The following PGCKA1 variants were observed in gnomAD, a reference collection of about 807,000 sequenced individuals.
PGCKA1 encodes the protein PDCD10 and GCKIII kinases-associated protein 1.
chr4:37,565,144 G>T, the PGCKA1 span, among the ~76,000 whole-genome samples: 5 of 152,266 alleles, frequency 3.3e-5, no homozygotes, highest in Admixed American at 2.0e-4. Context: ...TGGGAGGCTG[G>T]GGAGTGTGGA....
At chr4:37,482,347 G>T in the PGCKA1 span, among the ~76,000 whole-genome samples, 1 of 152,154 alleles carries the variant, frequency 6.6e-6, no homozygotes, top group Admixed American at 6.5e-5. Context: ...AGTCCAGGCC[G>T]AGGTGGTTTC....
the PGCKA1 span, among the ~76,000 whole-genome samples, chr4:37,485,616 C>G: frequency 2.0e-5 from 3 of 151,886 alleles, no homozygotes; most frequent in Non-Finnish European, 4.4e-5. Context: ...CAAACAAAGA[C>G]AGGAAGAGCC....
At chr4:37,506,590 CT>C in the PGCKA1 span, among the ~76,000 whole-genome samples, 106 of 139,212 alleles carry the variant, frequency 7.6e-4, no homozygotes, top group Admixed American at 1.2e-3. Context: ...TCCAAAATTA[CT>C]TTTTTTTTTT....
At chr4:37,543,833 CA>C in the PGCKA1 span, among the ~76,000 whole-genome samples, 973 of 146,218 alleles carry the variant, frequency 6.7e-3, 2 homozygotes, top group Non-Finnish European at 0.012. Context: ...GACTCCGTCT[CA>C]AAAAAAAAAA....
the PGCKA1 span, among the ~76,000 whole-genome samples, chr4:37,564,296 A>G: frequency 6.7e-6 from 1 of 149,280 alleles, no homozygotes; most frequent in Non-Finnish European, 1.5e-5. Context: ...AAAAAGAAAG[A>G]AAAAAAACCG....
the PGCKA1 span, among the ~76,000 whole-genome samples, chr4:37,552,249 G>A: frequency 2.0e-5 from 3 of 152,190 alleles, no homozygotes; most frequent in African/African-American, 7.2e-5. Context: ...GACTACCAGT[G>A]CATGAAACCC....
At chr4:37,578,583 A>C in the PGCKA1 span, among the ~76,000 whole-genome samples, 55 of 152,078 alleles carry the variant, frequency 3.6e-4, no homozygotes, top group Non-Finnish European at 6.2e-4. Flanking sequence ...TACTCCTGCC[A>C]TTTTATTTGT....
At chr4:37,553,797 A>G in the PGCKA1 span, among the ~76,000 whole-genome samples, 51,499 of 152,116 alleles carry the variant, frequency 0.34, 9,136 homozygotes, top group East Asian at 0.59. Context: ...TAAAACATGC[A>G]AGGTACCACC....
chr4:37,491,321 T>C, the PGCKA1 span, among the ~76,000 whole-genome samples: 1 of 152,222 alleles, frequency 6.6e-6, no homozygotes, highest in Non-Finnish European at 1.5e-5. Flanking sequence ...CCTCATGATA[T>C]AATTATATCT....
At chr4:37,563,441 C>T in the PGCKA1 span, among the ~76,000 whole-genome samples, 2 of 140,440 alleles carry the variant, frequency 1.4e-5, no homozygotes, top group Non-Finnish European at 3.1e-5. Context: ...TTCTAATCTT[C>T]CCGAGGTTGC....
chr4:37,502,512 G>A, the PGCKA1 span, among the ~76,000 whole-genome samples: 1 of 152,192 alleles, frequency 6.6e-6, no homozygotes, highest in African/African-American at 2.4e-5. Context: ...CAGGCACAGG[G>A]TGCTGGTGGG....
At chr4:37,485,364 C>T in the PGCKA1 span, among the ~76,000 whole-genome samples, 1 of 152,064 alleles carries the variant, frequency 6.6e-6, no homozygotes, top group Non-Finnish European at 1.5e-5. Flanking sequence ...GAATTAATGC[C>T]ATTATCTTGG....
the PGCKA1 span, among the ~76,000 whole-genome samples, chr4:37,550,785 G>A: frequency 6.6e-6 from 1 of 152,130 alleles, no homozygotes; most frequent in Non-Finnish European, 1.5e-5. Context: ...TTCGTGTTAT[G>A]TTTGTGGAGG....
the PGCKA1 span, among the ~76,000 whole-genome samples, chr4:37,570,035 A>G: frequency 7.0e-6 from 1 of 141,976 alleles, no homozygotes. Flanking sequence ...GCTGGAGTAC[A>G]GTGGCGCCAT....
At chr4:37,587,992 A>G in the PGCKA1 span, 1 of 152,238 alleles carries the variant, frequency 6.6e-6, no homozygotes, top group Non-Finnish European at 1.5e-5. Context: ...AAATAAAAAT[A>G]AAGGCTGTAG....
chr4:37,493,374 T>A, the PGCKA1 span, among the ~76,000 whole-genome samples: 1 of 152,206 alleles, frequency 6.6e-6, no homozygotes, highest in Non-Finnish European at 1.5e-5. Context: ...TGAACACAAA[T>A]TTTTCTTAAT....
the PGCKA1 span, among the ~76,000 whole-genome samples, chr4:37,542,854 C>T: frequency 3.9e-5 from 6 of 152,244 alleles, no homozygotes; most frequent in Non-Finnish European, 5.9e-5. Context: ...TAGGTGCACC[C>T]ACCCCACTAA....
At chr4:37,579,871 T>C in the PGCKA1 span, among the ~76,000 whole-genome samples, 1 of 152,210 alleles carries the variant, frequency 6.6e-6, no homozygotes, top group Non-Finnish European at 1.5e-5. Context: ...TTTCTACCCC[T>C]ATTTTTCTAC....
chr4:37,552,826 C>T, the PGCKA1 span, among the ~76,000 whole-genome samples: 1 of 152,202 alleles, frequency 6.6e-6, no homozygotes, highest in Non-Finnish European at 1.5e-5. Flanking sequence ...ACTTCAGAAC[C>T]TAATTTGTTT....
Sources: allele counts gnomAD v4.1 joint callset (sites outside exome capture counted in the v4.1 genomes callset), GRCh38; gene constraint gnomAD v4.1.1; transcripts MANE v1.5; gene names NCBI Gene and HGNC (gene_info 2026-07-23, HGNC 2026-07-21).